ANK1: variants seen among roughly 807,000 people sequenced by gnomAD.
ANK1 encodes ankyrin-1.
Under a neutral mutation model 210.4 loss-of-function variants are expected in ANK1, and 51 were observed. That is an observed-to-expected ratio of 0.24 (90% confidence interval 0.19 to 0.31). The LOEUF (loss-of-function observed/expected upper bound fraction) is 0.31. ANK1 is among the 10% of genes least tolerant of loss of function. ANK1 has a pLI of 1.00. For synonymous variants in ANK1, 967 were observed against 1,025.9 expected (o/e 0.94, Z 1.10); for missense variants, 2,051 against 2,504.4 (o/e 0.82, Z 3.86).
At position 41,725,849 on chromosome 8, in the gene ANK1, G is replaced by A; in HGVS notation, c.524C>T (p.Pro175Leu). Residue 175 changes from proline to leucine, a missense_variant, in exon 6 of 43, where the codon CCG (proline) becomes CTG (leucine). Physicochemically the swap from Pro to Leu is moderately conservative, Grantham distance 98. Around this residue, in one of 6 missense-constraint regions of ANK1, gnomAD observed 1,413 missense variants for 1,707.4 expected, o/e 0.83. Transcript: ENST00000289734. ...NYGTKGKVRL[P>L]ALHIAARNDD... ...GTTGCGGGCCGCGATGTGCAGGGCC[G>A]GGAGGCGCACCTTCCCCTTGGTGCC... 3.1e-6 allele frequency: 5 copies of A among 1,611,836 alleles called. No homozygotes were observed. Among genetic ancestry groups the A allele is most frequent in the Non-Finnish European group, 4.2e-6 (5 of 1,179,486 alleles).
intron 2 of ANK1, among the ~76,000 whole-genome samples, chr8:41,752,842 C>T (rs541782570): frequency 3.0e-4 from 45 of 151,412 alleles, no homozygotes; most frequent in Non-Finnish European, 5.4e-4. Flanking sequence ...GTTTTCCATG[C>T]GGTAGCCAGT....
At chr8:41,663,514 C>A (rs902879418) in intron 40 of ANK1, 145 bp downstream of exon 40, 12 of 783,096 alleles carry the variant, frequency 1.5e-5, no homozygotes, top group Non-Finnish European at 2.0e-5. Context: ...CCTGGGCCCT[C>A]CATCCCTCCT....
Position 41,665,118 on chromosome 8 carries a change from C to T in ANK1, c.5395-1376G>A, listed in dbSNP as rs564436110. ...TTCTCCACTGGGACTCCTGAGTCCCCCAGGGACCCCTTGCATTCCCCCTCC... is the reference window on the plus strand; with the variant it reads ...TTCTCCACTGGGACTCCTGAGTCCCTCAGGGACCCCTTGCATTCCCCCTCC... On this transcript the variant is annotated intron_variant, in intron 39 of 42. Coordinates refer to ENST00000289734, the MANE Select transcript of ANK1 (RefSeq NM_000037.4). The T allele has an allele frequency of 4.8e-5, 75 of 1,557,440 alleles. No homozygotes were observed. The Middle Eastern group carries it at 8.3e-4, about 17-fold the overall frequency.
At chr8:41,675,850 C>T (rs534137722) in intron 37 of ANK1, among the ~76,000 whole-genome samples, 10 of 152,324 alleles carry the variant, frequency 6.6e-5, no homozygotes, top group African/African-American at 1.4e-4. Flanking sequence ...TTTACATAAA[C>T]GGATTCATAC....
chr8:41,784,055 C>G, intron 1 of ANK1, among the ~76,000 whole-genome samples: 1 of 69,998 alleles, frequency 1.4e-5, no homozygotes, highest in East Asian at 2.3e-4. Context: ...AAGACCCTAT[C>G]TCAAAAAAAA....
chr8:41,664,783 C>A (rs774737206), intron 39 of ANK1: 4 of 1,586,280 alleles, frequency 2.5e-6, no homozygotes, highest in African/African-American at 1.3e-5. Context: ...CCAGCCCTGC[C>A]GGCCTCCTGC....
At chr8:41,885,871 T>C (rs1818365233) in intron 1 of ANK1, among the ~76,000 whole-genome samples, 1 of 152,252 alleles carries the variant, frequency 6.6e-6, no homozygotes, top group African/African-American at 2.4e-5. Context: ...TTCTTCACTC[T>C]GAGTTTCAGA....
At chr8:41,708,044 C>G (rs554913886) in intron 17 of ANK1, among the ~76,000 whole-genome samples, 11 of 152,120 alleles carry the variant, frequency 7.2e-5, no homozygotes, top group African/African-American at 2.7e-4. Flanking sequence ...TGACTGCTAA[C>G]GGGTACGAGG....
In ANK1 at chr8:41,717,564, T is replaced by C. The variant is rs534005316; in HGVS notation, c.1305+40A>G. On this transcript the variant is annotated intron_variant, in intron 12 of 42. Coordinates refer to ENST00000289734, the MANE Select transcript of ANK1 (RefSeq NM_000037.4). The stretch of plus-strand genomic sequence containing the variant: ...TGGTGAAAGCTGCCCTCTGAGCTCT[T>C]GGTCTAGGGGAGCAAGCCCCTGCCT... 2.6e-6 allele frequency: 4 copies of C among 1,518,598 alleles called. No homozygotes were observed. The Admixed American group carries it at 7.8e-5, about 30-fold the overall frequency. 94.1% of individuals were successfully genotyped at this position (1,518,598 alleles called of 1,614,324 possible). A position where few individuals can be genotyped will look rare whatever the true frequency, so the allele number is the denominator to read the frequency against.
Position 41,811,576 on chromosome 8 carries a change from A to C in ANK1, c.127-53439T>G, listed in dbSNP as rs1020512156. Among the ~76,000 whole-genome samples, 4 of 152,120 alleles carry C rather than the reference A, an allele frequency of 2.6e-5. No homozygotes were observed. The South Asian group carries it at 8.3e-4, about 32-fold the overall frequency. On this transcript the variant is annotated intron_variant, in intron 1 of 42. Transcript: ENST00000265709. The stretch of plus-strand genomic sequence containing the variant: ...GTCTTCATCCACTCTTAGGGATGGC[A>C]CTGCCCTCCCTGGCTCAGACTGCCC...
At chr8:41,699,216 G>A (rs1323376598) in intron 23 of ANK1, among the ~76,000 whole-genome samples, 1 of 152,142 alleles carries the variant, frequency 6.6e-6, no homozygotes, top group East Asian at 1.9e-4. Context: ...GGGAGAGGAG[G>A]GGAGCCTGGA....
At position 41,663,096 on chromosome 8, in the gene ANK1, G is replaced by GTCTCTCTCTC. The variant is rs550550380; in HGVS notation, c.5478+562_5478+563insGAGAGAGAGA. On this transcript the variant is annotated intron_variant, in intron 40 of 42. Coordinates refer to ENST00000289734, the MANE Select transcript of ANK1 (RefSeq NM_000037.4). The stretch of plus-strand genomic sequence containing the variant: ...TGCCTGGCTAATTTTGTGTGTGTGT[G>GTCTCTCTCTC]TGTCTCTCTCTCTCTCTCTGTGTGT... 4.9e-5 allele frequency among the ~76,000 whole-genome samples: 4 copies of GTCTCTCTCTC among 82,294 alleles called. No homozygotes were observed. In the South Asian group the frequency reaches 1.8e-3, roughly 37 times the overall value. 54.0% of individuals were successfully genotyped at this position (82,294 alleles called of 152,430 possible).
At chr8:41,719,114 C>T (rs1236332141) in intron 10 of ANK1, among the ~76,000 whole-genome samples, 4 of 152,178 alleles carry the variant, frequency 2.6e-5, no homozygotes, top group Admixed American at 6.5e-5. Flanking sequence ...AAGCTACAGC[C>T]CTGCTGGATC....
intron 2 of ANK1, among the ~76,000 whole-genome samples, chr8:41,747,311 G>A (rs1222288351): frequency 2.6e-5 from 4 of 151,952 alleles, no homozygotes; most frequent in Non-Finnish European, 5.9e-5. Flanking sequence ...CCTCTAACAA[G>A]CAGAGAGGCA....
intron 1 of ANK1, among the ~76,000 whole-genome samples, chr8:41,834,603 T>A (rs1207410872): frequency 6.6e-6 from 1 of 152,206 alleles, no homozygotes; most frequent in Admixed American, 6.5e-5. Flanking sequence ...GACCTGGACC[T>A]GCTGAGGGAG....
intron 1 of ANK1, among the ~76,000 whole-genome samples, chr8:41,786,985 C>T (rs1315527594): frequency 6.6e-6 from 1 of 152,270 alleles, no homozygotes; most frequent in Non-Finnish European, 1.5e-5. Context: ...GTTTCCCACA[C>T]ACTGAAGTCA....
intron 1 of ANK1, among the ~76,000 whole-genome samples, chr8:41,844,966 T>C (rs932104518): frequency 3.9e-5 from 6 of 152,196 alleles, no homozygotes; most frequent in African/African-American, 1.4e-4. Context: ...AGATGGAATC[T>C]GCACCAGCCC....
At chr8:41,806,031 T>A (rs1850918168) in intron 1 of ANK1, among the ~76,000 whole-genome samples, 1 of 152,248 alleles carries the variant, frequency 6.6e-6, no homozygotes, top group African/African-American at 2.4e-5. Context: ...GCTTTTCATA[T>A]CCTTTACACT....
rs535394717 is a variant in ANK1, at chr8:41,876,293, C to T, written c.126+20062G>A. Among the ~76,000 whole-genome samples, 43 of 152,330 alleles carry T rather than the reference C, an allele frequency of 2.8e-4. 1 individual carries two copies. The South Asian group carries it at 8.5e-3, about 30-fold the overall frequency. On this transcript the variant is annotated intron_variant, in intron 1 of 42. Transcript: ENST00000265709. ...TGGCACCGACCGCCCGGTCGTCTCT[C>T]TCCCGGTCGCGCAGCCCCTCGGCCA...
Sources: allele counts gnomAD v4.1 joint callset (sites outside exome capture counted in the v4.1 genomes callset), GRCh38; gene constraint gnomAD v4.1.1; regional missense constraint gnomAD v4.1.1; transcripts MANE v1.5; gene names NCBI Gene and HGNC (gene_info 2026-07-23, HGNC 2026-07-21).